Variants in DYNLRB2 observed in about 807,000 individuals in gnomAD.
DYNLRB2 encodes dynein light chain roadblock-type 2.
DYNLRB2 carries 14 observed loss-of-function variants against 12.6 expected under a neutral mutation model. That is an observed-to-expected ratio of 1.11 (90% confidence interval 0.73 to 1.73). The LOEUF (loss-of-function observed/expected upper bound fraction) is 1.73, where lower values mean the gene tolerates loss of function less well. DYNLRB2 is among the 40% of genes most tolerant of loss of function. DYNLRB2 has a pLI of 0.00. For missense variants in DYNLRB2, 142 were observed against 117.7 expected (o/e 1.21, Z -0.95); for synonymous variants, 53 against 37.0 (o/e 1.43, Z -1.57).
At chr16:80,541,501 G>A (rs1253915200) in intron 1 of DYNLRB2, 1 of 567,490 alleles carries the variant, frequency 1.8e-6, no homozygotes, top group Non-Finnish European at 2.2e-6. Context: ...ATGGAAGGGT[G>A]AGAAGGGAAG....
upstream of DYNLRB2, chr16:80,540,905 G>A (rs570773902): frequency 8.5e-5 from 102 of 1,195,660 alleles, 2 homozygotes; most frequent in South Asian, 1.2e-3. Flanking sequence ...GCGGCCGGGA[G>A]GCATCAGGAG....
Position 80,545,035 on chromosome 16 carries a change from G to T in DYNLRB2, c.79+1684G>T, listed in dbSNP as rs534744728. 2.0e-5 allele frequency among the ~76,000 whole-genome samples: 3 copies of T among 152,282 alleles called. 1 individual carries two copies. The highest frequency in any genetic ancestry group is 7.2e-5 in the African/African-American group (3 of 41,554). On this transcript the variant is annotated intron_variant, in intron 2 of 3. Coordinates refer to ENST00000305904, the MANE Select transcript of DYNLRB2 (RefSeq NM_130897.3). ...GGTTTATATTGGACTTGAATTTGGGGATTTGGGGGGTCTAGGGGGACACTC... is the reference window on the plus strand; with the variant it reads ...GGTTTATATTGGACTTGAATTTGGGTATTTGGGGGGTCTAGGGGGACACTC...
At chr16:80,540,872 T>C, upstream of DYNLRB2, 1 of 880,396 alleles carries the variant, frequency 1.1e-6, no homozygotes. Context: ...CCTGCTCCCC[T>C]CTTCCGCGAA....
upstream of DYNLRB2, chr16:80,540,978 G>A: frequency 6.3e-7 from 1 of 1,575,750 alleles, no homozygotes; most frequent in Non-Finnish European, 8.6e-7. Flanking sequence ...CTTCCGTGGG[G>A]CCACTTCCTT....
chr16:80,549,425 C>G, intron 2 of DYNLRB2, 59 bp from the exon 3 acceptor site: 1 of 1,469,516 alleles, frequency 6.8e-7, no homozygotes, highest in East Asian at 2.5e-5. Context: ...TACTTCCACA[C>G]TGTACTTATT....
intron 1 of DYNLRB2, chr16:80,541,349 C>A (rs7202484): frequency 1.0e-6 from 1 of 984,436 alleles, no homozygotes; most frequent in Non-Finnish European, 1.2e-6. Flanking sequence ...GAGAGAGATT[C>A]AGAGGATGAA....
intron 2 of DYNLRB2, 118 bp from the exon 3 acceptor site, chr16:80,549,366 G>A (rs1016972213): frequency 1.9e-6 from 2 of 1,026,062 alleles, no homozygotes; most frequent in Admixed American, 3.2e-5. Context: ...ACCAGAGAGG[G>A]ATAAGCCATC....
intron 2 of DYNLRB2, among the ~76,000 whole-genome samples, chr16:80,548,411 C>T (rs915424261): frequency 6.6e-6 from 1 of 152,150 alleles, no homozygotes; most frequent in Non-Finnish European, 1.5e-5. Context: ...TTAATAGTTT[C>T]TGTTTTAAAC....
In DYNLRB2 at chr16:80,548,670, C is replaced by G. The variant is rs547759608; in HGVS notation, c.80-814C>G. 6.0e-5 allele frequency among the ~76,000 whole-genome samples: 9 copies of G among 149,792 alleles called. No individual in the cohort carries two copies. In the South Asian group the frequency reaches 1.7e-3, roughly 28 times the overall value. On this transcript the variant is annotated intron_variant, in intron 2 of 3. Coordinates refer to ENST00000305904, the MANE Select transcript of DYNLRB2 (RefSeq NM_130897.3). Reference sequence around the variant, plus strand: ...CCAGGAGGCAGAGGTTGCAATGAGCCAAGATCATGCCGTCGCACTCCAGCC... The same window carrying G: ...CCAGGAGGCAGAGGTTGCAATGAGCGAAGATCATGCCGTCGCACTCCAGCC...
intron 2 of DYNLRB2, among the ~76,000 whole-genome samples, chr16:80,544,446 G>T (rs901803347): frequency 6.6e-6 from 1 of 152,202 alleles, no homozygotes; most frequent in Admixed American, 6.5e-5. Context: ...TAATCAGGGG[G>T]AAGAGAGGAT....
intron 2 of DYNLRB2, among the ~76,000 whole-genome samples, chr16:80,545,844 TTTTTG>T (rs1490888994): frequency 4.6e-5 from 1 of 21,922 alleles, no homozygotes; most frequent in African/African-American, 9.8e-5. Flanking sequence ...CCTGGCTAAT[TTTTTG>T]TTTTTTTTTT....
intron 2 of DYNLRB2, 53 bp downstream of exon 2, chr16:80,543,404 G>C (rs566307552): frequency 6.3e-6 from 10 of 1,577,176 alleles, no homozygotes; most frequent in Admixed American, 1.7e-5. Flanking sequence ...CCAGGAACCT[G>C]TTTGCCGTGT....
At chr16:80,545,905 G>A (rs1904434070) in intron 2 of DYNLRB2, among the ~76,000 whole-genome samples, 1 of 150,474 alleles carries the variant, frequency 6.6e-6, no homozygotes, top group Admixed American at 6.6e-5. Flanking sequence ...TCCTGACCTT[G>A]TGATCCACCC....
chr16:80,545,948 C>T (rs1480557829), intron 2 of DYNLRB2, among the ~76,000 whole-genome samples: 1 of 151,910 alleles, frequency 6.6e-6, no homozygotes, highest in Admixed American at 6.6e-5. Flanking sequence ...GGATTACAGG[C>T]GTGAGCCACC....
chr16:80,543,428 A>T, intron 2 of DYNLRB2, 77 bp downstream of exon 2: 1 of 1,369,714 alleles, frequency 7.3e-7, no homozygotes, highest in Non-Finnish European at 1.0e-6. Context: ...TCCTTAAGAC[A>T]AACATCTTCG....
At chr16:80,544,301 A>G (rs576138706) in intron 2 of DYNLRB2, among the ~76,000 whole-genome samples, 1 of 152,346 alleles carries the variant, frequency 6.6e-6, no homozygotes, top group South Asian at 2.1e-4. Context: ...CCAATACTTG[A>G]TAGTAATTAA....
intron 1 of DYNLRB2, 122 bp from the exon 2 acceptor site, chr16:80,543,154 A>G (rs1904304503): frequency 1.1e-6 from 1 of 944,372 alleles, no homozygotes; most frequent in South Asian, 1.9e-5. Context: ...ATCTGAGATT[A>G]TCACACCTGG....
At chr16:80,542,069 A>G (rs77991234) in intron 1 of DYNLRB2, among the ~76,000 whole-genome samples, 4,421 of 152,232 alleles carry the variant, frequency 0.029, 97 homozygotes, top group Middle Eastern at 0.058. Context: ...TGTCATTTGG[A>G]AATTTCCATT....
intron 2 of DYNLRB2, 54 bp from the exon 3 acceptor site, chr16:80,549,430 C>T (rs1904694630): frequency 6.7e-7 from 1 of 1,495,156 alleles, no homozygotes; most frequent in Non-Finnish European, 9.0e-7. Context: ...CCACACTGTA[C>T]TTATTACTTT....
Sources: gnomAD v4.1 joint callset for allele counts (sites outside exome capture counted in the v4.1 genomes callset) on GRCh38, gnomAD v4.1.1 for gene constraint, MANE v1.5 for transcripts, NCBI Gene and HGNC (gene_info 2026-07-23, HGNC 2026-07-21) for gene names.